Variants in RGS7BP observed in about 807,000 individuals in gnomAD.
The protein encoded by RGS7BP is regulator of G protein signaling 7 binding protein, also known as regulator of G protein signaling 7-binding protein.
Under a neutral mutation model 31.3 loss-of-function variants are expected in RGS7BP, and 9 were observed. The ratio of observed to expected loss-of-function variants is 0.29; its 90% CI spans 0.17 to 0.50. The LOEUF (loss-of-function observed/expected upper bound fraction) is 0.50, where lower values mean the gene tolerates loss of function less well. Among genes scored for constraint, RGS7BP ranks in the 20% least tolerant of loss-of-function variants. RGS7BP has a pLI of 0.98. For missense variants in RGS7BP, 274 were observed against 322.0 expected (o/e 0.85, Z 1.14); for synonymous variants, 115 against 120.1 (o/e 0.96, Z 0.28).
At chr5:64,507,680 G>GA in intron 1 of RGS7BP, 31 bp from the exon 2 acceptor site, 1 of 1,467,556 alleles carries the variant, frequency 6.8e-7, no homozygotes, top group South Asian at 1.3e-5. Context: ...GAAATGTTTG[G>GA]TAAAAAAAAA....
At chr5:64,567,548 C>T (rs1742200903) in intron 2 of RGS7BP, among the ~76,000 whole-genome samples, 1 of 152,052 alleles carries the variant, frequency 6.6e-6, no homozygotes, top group Non-Finnish European at 1.5e-5. Context: ...TCCCTCTGTC[C>T]AGCCAGCAAT....
intron 2 of RGS7BP, among the ~76,000 whole-genome samples, chr5:64,527,957 A>C (rs978247493): frequency 2.6e-5 from 4 of 152,234 alleles, no homozygotes; most frequent in Non-Finnish European, 5.9e-5. Context: ...CACACATGTC[A>C]AACCTTGCAT....
intron 3 of RGS7BP, among the ~76,000 whole-genome samples, chr5:64,584,449 C>A (rs1286379084): frequency 6.6e-6 from 1 of 152,180 alleles, no homozygotes; most frequent in Admixed American, 6.5e-5. Context: ...AGCCCTGACA[C>A]CCAGTATGGA....
chr5:64,600,830 C>CA (rs1561350545), intron 5 of RGS7BP, among the ~76,000 whole-genome samples: 1 of 152,174 alleles, frequency 6.6e-6, no homozygotes, highest in Non-Finnish European at 1.5e-5. Flanking sequence ...CTGAGCTGAC[C>CA]AGTGGGGAAG....
intron 2 of RGS7BP, among the ~76,000 whole-genome samples, chr5:64,529,060 C>T (rs1191305313): frequency 6.6e-6 from 1 of 151,972 alleles, no homozygotes; most frequent in Non-Finnish European, 1.5e-5. Context: ...ATTATAAAAA[C>T]TTATAGATTT....
intron 2 of RGS7BP, among the ~76,000 whole-genome samples, chr5:64,572,298 C>T (rs534892177): frequency 6.6e-6 from 1 of 152,216 alleles, no homozygotes; most frequent in African/African-American, 2.4e-5. Flanking sequence ...ATGAAAATAA[C>T]GCAAATGCTC....
intron 3 of RGS7BP, among the ~76,000 whole-genome samples, chr5:64,582,570 G>GAT (rs1273850286): frequency 6.6e-6 from 1 of 152,146 alleles, no homozygotes; most frequent in Admixed American, 6.5e-5. Flanking sequence ...CTCTCCCAAA[G>GAT]ATAAGATGGG....
chr5:64,560,785 T>C (rs1423924844), intron 2 of RGS7BP, among the ~76,000 whole-genome samples: 2 of 152,118 alleles, frequency 1.3e-5, no homozygotes, highest in Admixed American at 6.6e-5. Flanking sequence ...TCAGTACTCA[T>C]TTCCACCCTT....
At chr5:64,521,718 A>C (rs1054072789) in intron 2 of RGS7BP, among the ~76,000 whole-genome samples, 7 of 152,230 alleles carry the variant, frequency 4.6e-5, no homozygotes, top group Non-Finnish European at 1.0e-4. Flanking sequence ...TGAGGTAGGA[A>C]AAGTTTAGGT....
intron 3 of RGS7BP, among the ~76,000 whole-genome samples, chr5:64,582,128 T>C (rs1742616402): frequency 6.6e-6 from 1 of 152,250 alleles, no homozygotes; most frequent in Non-Finnish European, 1.5e-5. Flanking sequence ...AAAATAGTTG[T>C]TCTCACTTCT....
intron 2 of RGS7BP, among the ~76,000 whole-genome samples, chr5:64,516,545 G>C (rs936289811): frequency 6.6e-6 from 1 of 152,148 alleles, no homozygotes; most frequent in Admixed American, 6.5e-5. Context: ...CTCTGATCTT[G>C]TCACTTCTTT....
chr5:64,596,088 G>A (rs1464277443), intron 4 of RGS7BP, among the ~76,000 whole-genome samples: 1 of 152,140 alleles, frequency 6.6e-6, no homozygotes, highest in African/African-American at 2.4e-5. Flanking sequence ...GCCATATCAG[G>A]GCATAAACAT....
chr5:64,537,543 T>C (rs566980987), intron 2 of RGS7BP, among the ~76,000 whole-genome samples: 2 of 152,258 alleles, frequency 1.3e-5, no homozygotes, highest in African/African-American at 4.8e-5. Context: ...GCTAGGGATG[T>C]TCACTTTGGG....
chr5:64,556,378 C>T (rs4700637), intron 2 of RGS7BP, among the ~76,000 whole-genome samples: 1 of 139,052 alleles, frequency 7.2e-6, no homozygotes, highest in Non-Finnish European at 1.5e-5. Context: ...TTTATGATAT[C>T]GTGATAAGTA....
intron 5 of RGS7BP, among the ~76,000 whole-genome samples, chr5:64,604,440 C>T (rs905994455): frequency 8.5e-5 from 13 of 152,090 alleles, no homozygotes; most frequent in African/African-American, 3.1e-4. Flanking sequence ...AGGCCAGGGA[C>T]TATCTTTCTA....
chr5:64,597,372 C>T (rs1313910886), intron 4 of RGS7BP, among the ~76,000 whole-genome samples: 7 of 151,816 alleles, frequency 4.6e-5, no homozygotes, highest in Non-Finnish European at 8.8e-5. Context: ...TGTGGGAGGA[C>T]GGTCCATGCT....
At chr5:64,552,236 G>A (rs1314655450) in intron 2 of RGS7BP, among the ~76,000 whole-genome samples, 2 of 152,014 alleles carry the variant, frequency 1.3e-5, no homozygotes, top group East Asian at 1.9e-4. Context: ...TCCTAAAATG[G>A]TATTTTAAAC....
At chr5:64,510,575 T>C (rs554511567) in intron 2 of RGS7BP, among the ~76,000 whole-genome samples, 19 of 152,134 alleles carry the variant, frequency 1.2e-4, no homozygotes, top group African/African-American at 4.6e-4. Context: ...GCTCGAGAAA[T>C]CTTTTTGGGA....
rs111423129 is a variant in RGS7BP, at chr5:64,585,660, G to A, written c.464-9050G>A. Among the ~76,000 whole-genome samples, 52 of 152,188 alleles carry A rather than the reference G, an allele frequency of 3.4e-4. 1 individual carries two copies. Among genetic ancestry groups the A allele is most frequent in the African/African-American group, 1.1e-3 (46 of 41,522 alleles). On this transcript the variant is annotated intron_variant, in intron 3 of 5. Transcript: ENST00000334025. ...GTGTTTTTGTTTCTCGTGAATGACC[G>A]GCAATTTCTCACGAATATAAGAATA...
Sources: allele counts gnomAD v4.1 joint callset (sites outside exome capture counted in the v4.1 genomes callset), GRCh38; gene constraint gnomAD v4.1.1; transcripts MANE v1.5; gene names NCBI Gene and HGNC (gene_info 2026-07-23, HGNC 2026-07-21).